Variants in SCN7A observed in about 807,000 individuals in gnomAD.
SCN7A encodes sodium voltage-gated channel alpha subunit 7, also known as sodium channel protein type 7 subunit alpha.
SCN7A carries 138 observed loss-of-function variants against 155.2 expected under a neutral mutation model. The ratio of observed to expected loss-of-function variants is 0.89; its 90% CI spans 0.77 to 1.02. The LOEUF is 1.02. SCN7A is among the 50% of genes least tolerant of loss of function. The pLI is 0.00. For missense variants in SCN7A, 2,058 were observed against 1,986.6 expected (o/e 1.04, Z -0.68); for synonymous variants, 693 against 649.0 (o/e 1.07, Z -1.03).
At chr2:166,471,733 G>C (rs1434738958) in intron 6 of SCN7A, among the ~76,000 whole-genome samples, 3 of 149,512 alleles carry the variant, frequency 2.0e-5, no homozygotes, top group East Asian at 4.1e-4. Flanking sequence ...TGTGGGGGGG[G>C]GGGTGGTGTT....
At chr2:166,436,522 T>C (rs4476364) in intron 15 of SCN7A, 18,175 of 291,090 alleles carry the variant, frequency 0.062, 796 homozygotes, top group Non-Finnish European at 0.086. Context: ...ATCATGACAA[T>C]GGACTAATAC....
chr2:166,439,055 G>GTGTATATATATATATA (rs375208870), intron 15 of SCN7A, among the ~76,000 whole-genome samples: 113 of 113,400 alleles, frequency 1.0e-3, no homozygotes, highest in Admixed American at 1.5e-3. Flanking sequence ...GTGTGTGTGT[G>GTGTATATATATATATA]TATATATATA....
chr2:166,443,960 T>A (rs1265120028), intron 13 of SCN7A, among the ~76,000 whole-genome samples: 1 of 152,192 alleles, frequency 6.6e-6, no homozygotes, highest in East Asian at 1.9e-4. Context: ...CCCTTTCAAT[T>A]TTGAATAGTT....
chr2:166,421,813 A>G (rs1045780641), intron 19 of SCN7A, among the ~76,000 whole-genome samples: 1 of 152,136 alleles, frequency 6.6e-6, no homozygotes, highest in Non-Finnish European at 1.5e-5. Context: ...ATTACAAAAA[A>G]GTATAACCAG....
chr2:166,435,235 T>G (rs1363040567), intron 15 of SCN7A, among the ~76,000 whole-genome samples: 2 of 152,044 alleles, frequency 1.3e-5, no homozygotes, highest in African/African-American at 4.8e-5. Context: ...TCTTTAAGGA[T>G]TTAAAGGAAA....
chr2:166,414,078 A>AATATATAAAAATATATT (rs1701272927), intron 21 of SCN7A, among the ~76,000 whole-genome samples: 4 of 39,744 alleles, frequency 1.0e-4, no homozygotes, highest in Non-Finnish European at 2.3e-4. Flanking sequence ...TATATATGTA[A>AATATATAAAAATATATT]ATATATGTAA....
rs1701017090 is a variant in SCN7A, at chr2:166,404,210, T to A, written c.*1370A>T. On this transcript the variant is annotated 3_prime_UTR_variant, in exon 26 of 26. Transcript: ENST00000643258. ...GCAGGCACATTGAAATCAATCTTCA[T>A]AAAGTTGGAATAACTCTCAGAATCT... 1 of 151,946 alleles carries A rather than the reference T, an allele frequency of 6.6e-6. No homozygotes were observed. The highest frequency in any genetic ancestry group is 1.5e-5 in the Non-Finnish European group (1 of 67,924). The allele number at this position is 151,946 out of a possible 1,614,324, so 9.4% of individuals were successfully genotyped here. A position where few individuals can be genotyped will look rare whatever the true frequency, so the allele number is the denominator to read the frequency against.
At chr2:166,456,206 G>A (rs767488546) in intron 11 of SCN7A, among the ~76,000 whole-genome samples, 2 of 151,974 alleles carry the variant, frequency 1.3e-5, no homozygotes, top group East Asian at 1.9e-4. Flanking sequence ...AGGACCTGTC[G>A]GGGGTGGGGG....
intron 25 of SCN7A, among the ~76,000 whole-genome samples, chr2:166,407,441 G>A (rs56115906): frequency 1.2e-4 from 18 of 152,042 alleles, no homozygotes; most frequent in Non-Finnish European, 2.2e-4. Flanking sequence ...AATCCCACGA[G>A]GCTTCTAAGT....
At position 166,477,511 on chromosome 2, in the gene SCN7A, C is replaced by A; in HGVS notation, c.186G>T (p.Val62=). ...FIYGNLSQGM[V]SEPLEDVDPY... Reference sequence around the variant, plus strand: ...GGTCCACATCTTCCAAGGGCTCTGACACCATTCCTTGAGAAAGGTTTCCAT... The same window carrying A: ...GGTCCACATCTTCCAAGGGCTCTGAAACCATTCCTTGAGAAAGGTTTCCAT... The change falls in exon 3 of 26, where the codon GTG becomes GTT. Residue 62 remains valine, a synonymous_variant. Transcript: ENST00000643258. 6.4e-7 allele frequency: 1 copy of A among 1,556,068 alleles called. No individual in the cohort carries two copies. The highest frequency in any genetic ancestry group is 8.7e-7 in the Non-Finnish European group (1 of 1,148,392).
chr2:166,479,214 C>T (rs1158290749), intron 2 of SCN7A, among the ~76,000 whole-genome samples: 1 of 152,090 alleles, frequency 6.6e-6, no homozygotes, highest in Non-Finnish European at 1.5e-5. Context: ...GAATTTTTCA[C>T]TGTTGTGCAT....
At chr2:166,475,104 G>GTATATATATATATACGTATATA (rs1559125184) in intron 3 of SCN7A, among the ~76,000 whole-genome samples, 1 of 86,026 alleles carries the variant, frequency 1.2e-5, no homozygotes, top group Non-Finnish European at 2.7e-5. Flanking sequence ...ACATATATAT[G>GTATATATATATATACGTATATA]TATATATATA....
intron 11 of SCN7A, among the ~76,000 whole-genome samples, chr2:166,451,221 T>C (rs1037065318): frequency 3.3e-5 from 5 of 152,138 alleles, no homozygotes; most frequent in Admixed American, 2.6e-4. Context: ...CTCTACTAAT[T>C]TGGCTTCAAC....
Position 166,409,695 on chromosome 2 carries a change from CA to C in SCN7A, c.3951del (p.Phe1317LeufsTer17). On this transcript the variant is annotated frameshift_variant, in exon 25 of 26. Transcript: ENST00000643258. LOFTEE classifies it high-confidence loss of function. ...CFYFTIAWNI[F>X]DFMVVIFSIT... ...ATGGAGAAAATAACCACCATAAAAT[CA>C]AAAATGTTCCACGCAATGGTGAAAT... 1 of 1,524,782 alleles carries C rather than the reference CA, an allele frequency of 6.6e-7. No individual in the cohort carries two copies. Among genetic ancestry groups the C allele is most frequent in the Non-Finnish European group, 8.8e-7 (1 of 1,137,650 alleles). The allele number at this position is 1,524,782 out of a possible 1,614,324, so 94.5% of individuals were successfully genotyped here.
At chr2:166,464,946 T>C (rs1042684741) in intron 9 of SCN7A, among the ~76,000 whole-genome samples, 1 of 152,208 alleles carries the variant, frequency 6.6e-6, no homozygotes, top group African/African-American at 2.4e-5. Context: ...ATTGGATGAA[T>C]AGTATTCCAC....
At chr2:166,492,575 T>C (rs979518026) in intron 1 of SCN7A, among the ~76,000 whole-genome samples, 1 of 152,206 alleles carries the variant, frequency 6.6e-6, no homozygotes, top group African/African-American at 2.4e-5. Context: ...GCACACACTT[T>C]TCACTTTTTT....
intron 7 of SCN7A, among the ~76,000 whole-genome samples, chr2:166,469,640 T>A (rs1702610496): frequency 6.6e-6 from 1 of 151,796 alleles, no homozygotes; most frequent in South Asian, 2.1e-4. Context: ...CAACTTGAAT[T>A]CATCTGATTT....
intron 13 of SCN7A, 76 bp from the exon 14 acceptor site, chr2:166,443,752 GAC>G (rs36043845): frequency 0.12 from 123,320 of 1,008,996 alleles, 9,209 homozygotes; most frequent in Middle Eastern, 0.17. Flanking sequence ...CAAAATCTGT[GAC>G]ACACACTGTT....
intron 2 of SCN7A, among the ~76,000 whole-genome samples, chr2:166,482,003 A>T (rs1278776933): frequency 6.6e-6 from 1 of 152,116 alleles, no homozygotes. Context: ...ACCAATGTGG[A>T]CGCACATACT....
Sources: allele counts gnomAD v4.1 joint callset (sites outside exome capture counted in the v4.1 genomes callset), GRCh38; gene constraint gnomAD v4.1.1; transcripts MANE v1.5; gene names NCBI Gene and HGNC (gene_info 2026-07-23, HGNC 2026-07-21).